The following HTN1 variants were observed in gnomAD, a reference collection of about 807,000 sequenced individuals.
HTN1 encodes histatin 1, also known as histatin-1.
HTN1 carries 18 observed loss-of-function variants against 11.2 expected under a neutral mutation model. That is an observed-to-expected ratio of 1.61 (90% CI 1.12 to 2.39). HTN1 has a LOEUF of 2.39. Ranked by LOEUF, HTN1 falls within the 30% of genes most tolerant of loss-of-function variation. HTN1 has a pLI of 0.00. For synonymous variants in HTN1, 21 were observed against 20.5 expected, an observed-to-expected ratio of 1.02 and a Z score of -0.07; for missense variants, 80 against 67.2, an observed-to-expected ratio of 1.19 and a Z score of -0.67.
At chr4:70,056,214 G>A (rs1429674149) in intron 5 of HTN1, 2 of 151,980 alleles carry the variant, frequency 1.3e-5, no homozygotes, top group Non-Finnish European at 2.9e-5. Context: ...AATTGTGAAT[G>A]GGAGTTCATT....
At chr4:70,051,986 G>T (rs150383126) in intron 1 of HTN1, among the ~76,000 whole-genome samples, 3 of 152,122 alleles carry the variant, frequency 2.0e-5, no homozygotes, top group South Asian at 4.2e-4. Context: ...TTTTATTTAC[G>T]TTTGTAATTT....
chr4:70,054,444 A>T lies in HTN1; in HGVS notation c.96A>T (p.Lys32Asn). ...HEKRHHGYRR[K>N]FHEKHHSHRE... ...AGAGACATCATGGGTATAGAAGAAA[A>T]TTCCATGTAAGTGTTCTTCTGATAA... The change falls in exon 4 of 6, where the codon AAA becomes AAT. Residue 32 changes from lysine (K) to asparagine (N), a missense_variant. Physicochemically the swap from Lys to Asn is moderately conservative, Grantham distance 94. Transcript: ENST00000246896. 6.7e-7 allele frequency: 1 copy of T among 1,503,570 alleles called. No individual in the cohort carries two copies. Among genetic ancestry groups the T allele is most frequent in the Non-Finnish European group, 9.2e-7 (1 of 1,089,444 alleles). The allele number at this position is 1,503,570 out of a possible 1,614,324, so 93.1% of individuals were successfully genotyped here.
chr4:70,051,479 T>C lies in HTN1; in HGVS notation c.-14+984T>C, dbSNP rs192689834. Among the ~76,000 whole-genome samples, 10 of 152,284 alleles carry C rather than the reference T, an allele frequency of 6.6e-5. No homozygotes were observed. The East Asian group carries it at 1.9e-3, about 29-fold the overall frequency. ...TGTATATTGATTATCTATGTTCGTT[T>C]ATCTATCAGTTTATGTGTTAGTAAA... On this transcript the variant is annotated intron_variant, in intron 1 of 5. Coordinates refer to ENST00000246896, the MANE Select transcript of HTN1 (RefSeq NM_002159.4).
At chr4:70,058,125 CA>C (rs1276820393) in intron 5 of HTN1, 1 of 152,030 alleles carries the variant, frequency 6.6e-6, no homozygotes, top group Non-Finnish European at 1.5e-5. Flanking sequence ...TGAAATAGTT[CA>C]AAAGGTGTCA....
intron 1 of HTN1, among the ~76,000 whole-genome samples, chr4:70,050,770 A>G (rs1314833510): frequency 6.6e-6 from 1 of 152,044 alleles, no homozygotes; most frequent in Non-Finnish European, 1.5e-5. Flanking sequence ...ATTTTATTTT[A>G]CTTTCTTATT....
intron 5 of HTN1, chr4:70,056,089 T>C (rs911152542): frequency 6.6e-6 from 1 of 152,280 alleles, no homozygotes; most frequent in African/African-American, 2.4e-5. Context: ...GGAATGTTTT[T>C]CCATTTGTTT....
intron 5 of HTN1, 145 bp downstream of exon 5, chr4:70,055,747 G>A (rs1273372696): frequency 3.7e-6 from 2 of 542,208 alleles, no homozygotes; most frequent in Non-Finnish European, 6.6e-6. Context: ...AAATGCTTCT[G>A]AAGCTGTAGA....
At chr4:70,054,546 T>C (rs1162297260) in intron 4 of HTN1, 96 bp downstream of exon 4, 11 of 809,946 alleles carry the variant, frequency 1.4e-5, no homozygotes, top group East Asian at 2.7e-5. Flanking sequence ...CAAATATATC[T>C]ATATCATTAA....
chr4:70,053,227 T>A (rs965829994), intron 2 of HTN1, 100 bp downstream of exon 2: 5 of 714,422 alleles, frequency 7.0e-6, no homozygotes, highest in African/African-American at 5.3e-5. Flanking sequence ...TTGACCTCAA[T>A]ACAGCTTTAT....
At chr4:70,050,892 C>T (rs1305412817) in intron 1 of HTN1, among the ~76,000 whole-genome samples, 1 of 152,074 alleles carries the variant, frequency 6.6e-6, no homozygotes, top group Non-Finnish European at 1.5e-5. Context: ...TTTTAAGCCC[C>T]GCATGCATTA....
At chr4:70,054,728 A>G (rs1725990021) in intron 4 of HTN1, among the ~76,000 whole-genome samples, 1 of 152,078 alleles carries the variant, frequency 6.6e-6, no homozygotes, top group Non-Finnish European at 1.5e-5. Context: ...ATTGACCTAA[A>G]GAATAGTTGA....
intron 5 of HTN1, chr4:70,056,653 T>C (rs1305228874): frequency 1.3e-5 from 2 of 152,116 alleles, no homozygotes; most frequent in African/African-American, 4.8e-5. Flanking sequence ...CGAGCTCTAA[T>C]ATCCAGAATC....
chr4:70,052,935 C>A (rs1725934015), intron 1 of HTN1, 129 bp from the exon 2 acceptor site: 7 of 661,390 alleles, frequency 1.1e-5, no homozygotes, highest in Non-Finnish European at 1.4e-5. Context: ...TGTGCTCATG[C>A]CCCTGCACTC....
chr4:70,055,009 A>G (rs111981261), intron 4 of HTN1, among the ~76,000 whole-genome samples: 84 of 152,178 alleles, frequency 5.5e-4, no homozygotes, highest in African/African-American at 1.9e-3. Flanking sequence ...TTAAAAAAGC[A>G]CCAAGTAAAA....
At chr4:70,058,343 G>T (rs1003843177) in intron 5 of HTN1, 34 of 151,830 alleles carry the variant, frequency 2.2e-4, no homozygotes, top group African/African-American at 7.5e-4. Context: ...AGATGATGAT[G>T]GAAAACCTCA....
Position 70,055,511 on chromosome 4 carries a change from C to A in HTN1, c.116C>A (p.Ser39Ter). The A allele has an allele frequency of 6.3e-7, 1 of 1,595,130 alleles. No homozygotes were observed. Among genetic ancestry groups the A allele is most frequent in the Non-Finnish European group, 8.6e-7 (1 of 1,163,514 alleles). Residue 39 changes from serine (S) to a stop codon, truncating the protein, a stop_gained, in exon 5 of 6, where the codon TCA becomes TAA. Coordinates refer to ENST00000246896, the MANE Select transcript of HTN1 (RefSeq NM_002159.4). LOFTEE classifies it high-confidence loss of function. ...GTGTGTATGCAGGAAAAGCATCATT[C>A]ACATCGAGAATTTCCATTTTATGGG... is the stretch of plus-strand genomic sequence containing the variant. Reference protein sequence around the residue: ...YRRKFHEKHHSHREFPFYGDY... With the variant: ...YRRKFHEKHH
intron 2 of HTN1, among the ~76,000 whole-genome samples, chr4:70,054,001 TATTC>T (rs2109728197): frequency 6.6e-6 from 1 of 152,234 alleles, no homozygotes; most frequent in African/African-American, 2.4e-5. Flanking sequence ...ACATGGAACA[TATTC>T]ATATAAAAAA....
In HTN1 at chr4:70,050,449, CT is replaced by C. The variant is rs1725863131; in HGVS notation, c.-58del. The C allele has an allele frequency of 6.6e-6, 1 of 152,150 alleles. No individual in the cohort carries two copies. The highest frequency in any genetic ancestry group is 6.6e-5 in the Admixed American group (1 of 15,264). The allele number at this position is 152,150 out of a possible 1,614,324, so 9.4% of individuals were successfully genotyped here. ...ATATAGAAAAGGACATCTCTTGAGA[CT>C]TCACTTCAGCTTCACTGACTTCTTG... On this transcript the variant is annotated 5_prime_UTR_variant, in exon 1 of 6. Coordinates refer to ENST00000246896, the MANE Select transcript of HTN1 (RefSeq NM_002159.4).
intron 5 of HTN1, chr4:70,057,624 C>T (rs1169744283): frequency 6.6e-6 from 1 of 152,090 alleles, no homozygotes; most frequent in Non-Finnish European, 1.5e-5. Context: ...GGAACTATTC[C>T]TAATCTTCTC....
Sources: allele counts gnomAD v4.1 joint callset (sites outside exome capture counted in the v4.1 genomes callset), GRCh38; gene constraint gnomAD v4.1.1; transcripts MANE v1.5; gene names NCBI Gene and HGNC (gene_info 2026-07-23, HGNC 2026-07-21).